PALB2: variants seen among roughly 807,000 people sequenced by gnomAD.
PALB2 encodes partner and localizer of BRCA2, also known as mutant partner and localizer of BRCA2.
A neutral mutation model predicts 107.4 loss-of-function variants in PALB2; 82 were observed. The observed-to-expected ratio is 0.76, with a 90% CI of 0.64 to 0.92. The LOEUF is 0.92. Among genes scored for constraint, PALB2 ranks in the 40% least tolerant of loss-of-function variants. PALB2 has a pLI of 0.00. For missense variants in PALB2, 1,374 were observed against 1,379.9 expected, an observed-to-expected ratio of 1.00 and a Z score of 0.07; for synonymous variants, 489 against 496.8, an observed-to-expected ratio of 0.98 and a Z score of 0.21.
At position 23,634,999 on chromosome 16, in the gene PALB2, CT is replaced by C. The variant is rs587781560; in HGVS notation, c.1546del (p.Arg516GlufsTer45). 6 of 1,614,132 alleles carry C rather than the reference CT, an allele frequency of 3.7e-6. No individual in the cohort carries two copies. The highest frequency in any genetic ancestry group is 5.1e-6 in the Non-Finnish European group (6 of 1,180,036). On this transcript the variant is annotated frameshift_variant, in exon 4 of 13. Coordinates refer to ENST00000261584, the MANE Select transcript of PALB2 (RefSeq NM_024675.4). LOFTEE classifies it high-confidence loss of function. ...QAPGRRYTGK[R>X]KSACTPASDH... ...TGATGCTGGGGTGCAGGCTGATTTT[CT>C]TTTTCCTGTGTATCTTCTACCAGGT...
intron 6 of PALB2, among the ~76,000 whole-genome samples, chr16:23,628,148 T>C (rs1435915583): frequency 6.6e-6 from 1 of 152,216 alleles, no homozygotes; most frequent in African/African-American, 2.4e-5. Flanking sequence ...TGCTTGAACC[T>C]GTAGGCGGAG....
intron 3 of PALB2, among the ~76,000 whole-genome samples, chr16:23,636,844 C>T (rs546028055): frequency 2.2e-4 from 34 of 152,236 alleles, no homozygotes; most frequent in African/African-American, 6.0e-4. Context: ...ATTTCAATAA[C>T]CCCTCAGTTT....
chr16:23,613,960 A>T, intron 11 of PALB2, 44 bp downstream of exon 11: 1 of 1,436,918 alleles, frequency 7.0e-7, no homozygotes, highest in Non-Finnish European at 9.8e-7. Context: ...ACTTAATGAG[A>T]CCAACAGTAA....
intron 1 of PALB2, among the ~76,000 whole-genome samples, chr16:23,638,924 G>A (rs940415842): frequency 6.6e-6 from 1 of 152,172 alleles, no homozygotes; most frequent in African/African-American, 2.4e-5. Context: ...CAGTGGAATA[G>A]GTTACCTACG....
At chr16:23,637,681 G>C (rs1004783588) in intron 3 of PALB2, among the ~76,000 whole-genome samples, 169 bp downstream of exon 3, 2 of 151,524 alleles carry the variant, frequency 1.3e-5, no homozygotes, top group Non-Finnish European at 2.9e-5. Flanking sequence ...CTCCAGCCTG[G>C]GTAACAAAGA....
intron 9 of PALB2, among the ~76,000 whole-genome samples, chr16:23,621,728 C>A (rs1007270880): frequency 6.6e-6 from 1 of 152,102 alleles, no homozygotes; most frequent in Non-Finnish European, 1.5e-5. Flanking sequence ...TTTCTATAAA[C>A]CTTTTGTTTC....
At chr16:23,638,714 A>G in intron 1 of PALB2, 1 of 354,710 alleles carries the variant, frequency 2.8e-6, no homozygotes. Flanking sequence ...ATGATTTTAC[A>G]AGGTAAAAAA....
intron 1 of PALB2, chr16:23,640,804 G>C (rs142098064): frequency 8.6e-6 from 3 of 347,888 alleles, no homozygotes; most frequent in African/African-American, 6.3e-5. Flanking sequence ...AGGCCGTCCG[G>C]GGGGAGAAGT....
rs1028901024 is a variant in PALB2 at position 23,607,795 on chromosome 16, C to T, written c.3350+69G>A. 7 of 1,532,218 alleles carry T rather than the reference C, an allele frequency of 4.6e-6. No individual in the cohort carries two copies. In the African/African-American group the frequency reaches 6.8e-5, roughly 15 times the overall value. 94.9% of individuals were successfully genotyped at this position (1,532,218 alleles called of 1,614,324 possible). On this transcript the variant is annotated intron_variant, in intron 12 of 12. Coordinates refer to ENST00000261584, the MANE Select transcript of PALB2 (RefSeq NM_024675.4). ...ATTCTTCTAAGTGACACAAAAATAT[C>T]TAGTTTTTGTGTTTGCACAGTGCCT...
intron 1 of PALB2, among the ~76,000 whole-genome samples, chr16:23,639,298 T>C (rs939899982): frequency 1.3e-5 from 2 of 151,162 alleles, no homozygotes; most frequent in African/African-American, 4.9e-5. Context: ...TTGGGGAAGC[T>C]GAGGTGGGTG....
chr16:23,608,797 T>C (rs561180756), intron 11 of PALB2, among the ~76,000 whole-genome samples: 239 of 111,374 alleles, frequency 2.1e-3, no homozygotes, highest in African/African-American at 4.6e-3. Context: ...TGTGTGTATA[T>C]ATATACACAC....
chr16:23,627,493 C>CAAAAAA (rs749429582), intron 6 of PALB2, among the ~76,000 whole-genome samples: 22 of 54,660 alleles, frequency 4.0e-4, no homozygotes, highest in Non-Finnish European at 5.9e-4. Flanking sequence ...GACTCCGTCT[C>CAAAAAA]AAAAAAAAAA....
rs533425204 is a variant in PALB2 at position 23,623,812 on chromosome 16, C to T, written c.2834+197G>A. ...GGGATTACAGGCGTGAGCCACTGCG[C>T]CCAGCCTAGGTTCACATTTTAAATA... On this transcript the variant is annotated intron_variant, in intron 8 of 12. Coordinates refer to ENST00000261584, the MANE Select transcript of PALB2 (RefSeq NM_024675.4). 1.8e-4 allele frequency: 101 copies of T among 576,242 alleles called. No homozygotes were observed. In the East Asian group the frequency reaches 3.0e-3, roughly 17 times the overall value. The allele number at this position is 576,242 out of a possible 1,614,324, so 35.7% of individuals were successfully genotyped here. A position where few individuals can be genotyped will look rare whatever the true frequency, so the allele number is the denominator to read the frequency against.
rs183489969 is a variant in PALB2, at chr16:23,621,421, C to A, written c.3054G>T (p.Glu1018Asp). The A allele has an allele frequency of 1.9e-6, 3 of 1,614,106 alleles. No individual in the cohort carries two copies. The highest frequency in any genetic ancestry group is 2.5e-6 in the Non-Finnish European group (3 of 1,180,004). ...PPEETILTFA[E>D]VQGMQEALLG... is the part of the protein sequence containing the mutation. The stretch of plus-strand genomic sequence containing the variant: ...GCAGAGCTTCTTGCATCCCTTGGAC[C>A]TCAGCAAAAGTTAGTATAGTCTCCT... Residue 1018 changes from glutamate to aspartate, a missense_variant, in exon 10 of 13, where the codon GAG becomes GAT. Glu to Asp is a conservative substitution (Grantham distance 45). Transcript: ENST00000261584.
At chr16:23,632,027 G>T (rs932477349) in intron 4 of PALB2, among the ~76,000 whole-genome samples, 6 of 152,072 alleles carry the variant, frequency 3.9e-5, no homozygotes, top group Non-Finnish European at 8.8e-5. Flanking sequence ...TCAAAATGTT[G>T]CTATATCCTC....
intron 10 of PALB2, among the ~76,000 whole-genome samples, chr16:23,616,317 A>G (rs1389354955): frequency 6.6e-6 from 1 of 152,170 alleles, no homozygotes; most frequent in African/African-American, 2.4e-5. Context: ...ATACTGTATC[A>G]TGTATTCACT....
intron 12 of PALB2, among the ~76,000 whole-genome samples, chr16:23,606,356 G>A (rs1966474635): frequency 2.0e-5 from 3 of 152,074 alleles, no homozygotes; most frequent in Admixed American, 2.0e-4. Context: ...AGTGAGCTGA[G>A]ATCGTGCCAC....
At chr16:23,614,850 C>T (rs1462958577) in intron 10 of PALB2, among the ~76,000 whole-genome samples, 3 of 151,314 alleles carry the variant, frequency 2.0e-5, no homozygotes, top group Non-Finnish European at 2.9e-5. Flanking sequence ...CGGGGTTTCA[C>T]CGTTTTAGCC....
chr16:23,627,493 C>CAAAAAAAAAA (rs749429582), intron 6 of PALB2, among the ~76,000 whole-genome samples: 1 of 54,714 alleles, frequency 1.8e-5, no homozygotes, highest in Non-Finnish European at 3.7e-5. Flanking sequence ...GACTCCGTCT[C>CAAAAAAAAAA]AAAAAAAAAA....
Sources: allele counts gnomAD v4.1 joint callset (sites outside exome capture counted in the v4.1 genomes callset), GRCh38; gene constraint gnomAD v4.1.1; transcripts MANE v1.5; gene names NCBI Gene and HGNC (gene_info 2026-07-23, HGNC 2026-07-21).